The following HNMT variants were observed in gnomAD, a reference collection of about 807,000 sequenced individuals.
The protein encoded by HNMT is histamine N-methyltransferase.
Under a neutral mutation model 32.1 loss-of-function variants are expected in HNMT, and 30 were observed. That is an observed-to-expected ratio of 0.93 (90% CI 0.70 to 1.27). HNMT has a LOEUF of 1.27. Ranked by LOEUF, HNMT falls within the 50% of genes most tolerant of loss-of-function variation. The pLI is 0.00. For missense variants in HNMT, 327 were observed against 346.0 expected, an observed-to-expected ratio of 0.95 and a Z score of 0.43; for synonymous variants, 125 against 119.0, an observed-to-expected ratio of 1.05 and a Z score of -0.33.
Position 137,967,301 on chromosome 2 carries a change from G to A in HNMT, c.137+2673G>A, listed in dbSNP as rs1442634715. ...GCGGCATGCACATGCTACTCCAGAC[G>A]CTGAAGTGGGAAGATCACTTAAGTC... On this transcript the variant is annotated intron_variant, in intron 1 of 5. Transcript: ENST00000280097. 17 of 552,380 alleles carry A rather than the reference G, an allele frequency of 3.1e-5. 1 individual carries two copies. The highest frequency in any genetic ancestry group is 1.7e-4 in the South Asian group (7 of 40,402). The allele number at this position is 552,380 out of a possible 1,614,324, so 34.2% of individuals were successfully genotyped here.
chr2:137,967,431 A>G (rs556124958), intron 1 of HNMT: 19 of 303,938 alleles, frequency 6.3e-5, no homozygotes, highest in African/African-American at 4.1e-4. Context: ...ATCAAATGCT[A>G]CTCAAAATTC....
intron 2 of HNMT, among the ~76,000 whole-genome samples, chr2:137,972,546 C>T (rs1274247891): frequency 6.6e-6 from 1 of 151,968 alleles, no homozygotes; most frequent in Non-Finnish European, 1.5e-5. Context: ...CAAAGACAGA[C>T]AATGAAGGGA....
intron 2 of HNMT, among the ~76,000 whole-genome samples, chr2:137,984,713 G>A (rs1487493330): frequency 1.3e-5 from 2 of 152,140 alleles, no homozygotes; most frequent in Non-Finnish European, 2.9e-5. Flanking sequence ...ATATTAATCA[G>A]TTGTCCTGAT....
At chr2:137,981,351 G>T in intron 2 of HNMT, 7 of 1,612,804 alleles carry the variant, frequency 4.3e-6, no homozygotes, top group Non-Finnish European at 5.9e-6. Flanking sequence ...GGAGCTGCCC[G>T]TTTAGAAAGC....
At chr2:138,000,892 A>G (rs374543386) in intron 2 of HNMT, 26 bp from the exon 3 acceptor site, 1 of 1,276,852 alleles carries the variant, frequency 7.8e-7, no homozygotes, top group African/African-American at 1.5e-5. Flanking sequence ...GAATGATGTG[A>G]CCTGTCCCAT....
intron 2 of HNMT, among the ~76,000 whole-genome samples, chr2:137,977,663 A>G (rs1352922215): frequency 6.6e-6 from 1 of 152,160 alleles, no homozygotes; most frequent in Admixed American, 6.5e-5. Context: ...TAAAAAGCTA[A>G]TAACATATAA....
rs938800391 is a variant in HNMT, at chr2:137,966,760, C to T, written c.137+2132C>T. On this transcript the variant is annotated intron_variant, in intron 1 of 5. Coordinates refer to ENST00000280097, the MANE Select transcript of HNMT (RefSeq NM_006895.3). The stretch of plus-strand genomic sequence containing the variant: ...CCCCAAGGGAACAACTTTTCTGAAG[C>T]CCTCTGTTCTTTTTTTCAGTTTAGG... 7.3e-5 allele frequency among the ~76,000 whole-genome samples: 8 copies of T among 108,924 alleles called. 1 individual carries two copies. Among genetic ancestry groups the T allele is most frequent in the Admixed American group, 3.3e-4 (3 of 9,200 alleles). 71.5% of individuals were successfully genotyped at this position (108,924 alleles called of 152,430 possible). A position where few individuals can be genotyped will look rare whatever the true frequency, so the allele number is the denominator to read the frequency against.
chr2:137,979,478 T>G (rs1172663910), intron 2 of HNMT, among the ~76,000 whole-genome samples: 1 of 151,922 alleles, frequency 6.6e-6, no homozygotes, highest in Non-Finnish European at 1.5e-5. Context: ...GGTCTCGATC[T>G]CCTGACCTCG....
At chr2:138,000,870 C>T in intron 2 of HNMT, 48 bp from the exon 3 acceptor site, 1 of 1,025,900 alleles carries the variant, frequency 9.7e-7, no homozygotes, top group Non-Finnish European at 1.5e-6. Flanking sequence ...TGTTTTTAAT[C>T]ATTTCTTGCT....
At chr2:137,965,641 G>A (rs1453157274) in intron 1 of HNMT, among the ~76,000 whole-genome samples, 1 of 152,204 alleles carries the variant, frequency 6.6e-6, no homozygotes, top group East Asian at 1.9e-4. Flanking sequence ...AATAGGATAA[G>A]GATGCAAACA....
At chr2:138,000,204 C>G (rs1274980823) in intron 2 of HNMT, among the ~76,000 whole-genome samples, 1 of 152,098 alleles carries the variant, frequency 6.6e-6, no homozygotes, top group Non-Finnish European at 1.5e-5. Flanking sequence ...TCCCTCACTT[C>G]CCCACAGTTT....
intron 5 of HNMT, among the ~76,000 whole-genome samples, chr2:138,007,841 G>A (rs765769750): frequency 6.6e-6 from 1 of 151,772 alleles, no homozygotes; most frequent in Admixed American, 6.6e-5. Context: ...TAGCATTAAG[G>A]TCCCACCGTG....
intron 2 of HNMT, among the ~76,000 whole-genome samples, chr2:137,980,890 C>A (rs1392497113): frequency 6.6e-6 from 1 of 152,068 alleles, no homozygotes; most frequent in Non-Finnish European, 1.5e-5. Flanking sequence ...AAGAAAGGAT[C>A]TTGTCAGGAA....
intron 5 of HNMT, among the ~76,000 whole-genome samples, chr2:138,009,691 T>TC (rs1681435159): frequency 6.6e-6 from 1 of 152,076 alleles, no homozygotes; most frequent in South Asian, 2.1e-4. Context: ...CATATTGATG[T>TC]CAGTGAACAC....
At chr2:137,994,407 C>A (rs970065078) in intron 2 of HNMT, among the ~76,000 whole-genome samples, 2 of 151,994 alleles carry the variant, frequency 1.3e-5, no homozygotes, top group African/African-American at 4.8e-5. Context: ...GACTTTAAAC[C>A]AACAAAGATC....
At chr2:137,994,787 A>C (rs920608484) in intron 2 of HNMT, among the ~76,000 whole-genome samples, 3 of 152,228 alleles carry the variant, frequency 2.0e-5, no homozygotes, top group Non-Finnish European at 4.4e-5. Context: ...ACTCCTTAGC[A>C]AATGCAAAAG....
rs1312833666 is a variant in HNMT, at chr2:138,015,981, T to G, written c.*1851T>G. 6.6e-6 allele frequency: 1 copy of G among 152,130 alleles called. No individual in the cohort carries two copies. The highest frequency in any genetic ancestry group is 1.5e-5 in the Non-Finnish European group (1 of 68,002). The allele number at this position is 152,130 out of a possible 1,614,324, so 9.4% of individuals were successfully genotyped here. On this transcript the variant is annotated 3_prime_UTR_variant, in exon 6 of 6. Coordinates refer to ENST00000280097, the MANE Select transcript of HNMT (RefSeq NM_006895.3). ...GTGCAATTGAAACACATAAGCCTTT[T>G]TAAAGAGAGAAATTCCCATGAAAAC...
At chr2:137,986,746 TA>T (rs1197562219) in intron 2 of HNMT, among the ~76,000 whole-genome samples, 5 of 152,154 alleles carry the variant, frequency 3.3e-5, no homozygotes, top group Admixed American at 6.5e-5. Flanking sequence ...AAATTATAGA[TA>T]AAAAAAGAGA....
At position 137,995,167 on chromosome 2, in the gene HNMT, AGAGAAGAATTAAAG is replaced by A. The variant is rs1175246872; in HGVS notation, c.191-5746_191-5733del. On this transcript the variant is annotated intron_variant, in intron 2 of 5. Coordinates refer to ENST00000280097, the MANE Select transcript of HNMT (RefSeq NM_006895.3). ...CAGAAGACTAGAAATAACTATGATC[AGAGAAGAATTAAAG>A]GAGATAGAGACCCAAAAACCCTCCA... is the stretch of plus-strand genomic sequence containing the variant. 2.6e-5 allele frequency among the ~76,000 whole-genome samples: 4 copies of A among 152,098 alleles called. No individual in the cohort carries two copies. In the East Asian group the frequency reaches 7.7e-4, roughly 29 times the overall value.
Sources: gnomAD v4.1 joint callset for allele counts (sites outside exome capture counted in the v4.1 genomes callset) on GRCh38, gnomAD v4.1.1 for gene constraint, MANE v1.5 for transcripts, NCBI Gene and HGNC (gene_info 2026-07-23, HGNC 2026-07-21) for gene names.